MARCHF1: variants seen among roughly 807,000 people sequenced by gnomAD.
MARCHF1 encodes the protein membrane associated ring-CH-type finger 1.
MARCHF1 carries 40 observed loss-of-function variants against 54.2 expected under a neutral mutation model. The ratio of observed to expected loss-of-function variants is 0.74; its 90% confidence interval spans 0.57 to 0.96. The LOEUF is 0.96. Ranked by LOEUF, MARCHF1 falls within the 40% of genes least tolerant of loss-of-function variation. The pLI, the probability that MARCHF1 is intolerant of heterozygous loss-of-function variation, is 0.00. For missense variants in MARCHF1, 586 were observed against 656.5 expected, an observed-to-expected ratio of 0.89 and a Z score of 1.17; for synonymous variants, 236 against 236.3, an observed-to-expected ratio of 1.00 and a Z score of 0.01.
At chr4:164,119,440 AT>A in intron 1 of MARCHF1, among the ~76,000 whole-genome samples, 1 of 151,528 alleles carries the variant, frequency 6.6e-6, no homozygotes, top group African/African-American at 2.4e-5. Context: ...AATGAAAAAA[AT>A]AAAAATAAAT....
At chr4:164,340,405 T>TTTCATATATATATATATA (rs1327005165) in intron 1 of MARCHF1, among the ~76,000 whole-genome samples, 1 of 95,650 alleles carries the variant, frequency 1.0e-5, no homozygotes, top group Non-Finnish European at 2.2e-5. Flanking sequence ...AGGCCTTGAT[T>TTTCATATATATATATATA]TATATATAGA....
At chr4:163,938,024 TAAAA>T (rs1204289510) in intron 3 of MARCHF1, among the ~76,000 whole-genome samples, 1 of 152,168 alleles carries the variant, frequency 6.6e-6, no homozygotes, top group Non-Finnish European at 1.5e-5. Context: ...AAATCTTTTT[TAAAA>T]ACAGGAGATG....
At chr4:164,283,845 C>T (rs1032385841) in intron 1 of MARCHF1, among the ~76,000 whole-genome samples, 5 of 150,796 alleles carry the variant, frequency 3.3e-5, no homozygotes, top group South Asian at 4.2e-4. Flanking sequence ...TGGAAACCAA[C>T]GGCAGAGGAA....
chr4:163,608,960 G>T (rs922340990), intron 7 of MARCHF1, among the ~76,000 whole-genome samples: 2 of 152,014 alleles, frequency 1.3e-5, no homozygotes, highest in African/African-American at 4.8e-5. Flanking sequence ...CTTTTGTAGT[G>T]ATTTAATTCA....
intron 1 of MARCHF1, among the ~76,000 whole-genome samples, chr4:164,138,839 G>A (rs1756459389): frequency 6.6e-6 from 1 of 151,976 alleles, no homozygotes. Flanking sequence ...TAGGCATGTA[G>A]GTATTTGAAA....
In MARCHF1 at chr4:164,266,485, T is replaced by TA. The variant is rs112031139; in HGVS notation, c.-323+117384dup. ...TCAAATGTGCTTATTCTAAAACAAG[T>TA]AAATGTTTGCCTATGGTCTCTGAGA... On this transcript the variant is annotated intron_variant, in intron 1 of 9. Coordinates refer to ENST00000514618, the MANE Select transcript of MARCHF1 (RefSeq NM_001394959.1). Among the ~76,000 whole-genome samples, 248 of 152,324 alleles carry TA rather than the reference T, an allele frequency of 1.6e-3. 1 individual carries two copies. The highest frequency in any genetic ancestry group is 5.7e-3 in the African/African-American group (237 of 41,570).
At chr4:164,000,084 G>A (rs1753156914) in intron 2 of MARCHF1, among the ~76,000 whole-genome samples, 1 of 151,792 alleles carries the variant, frequency 6.6e-6, no homozygotes, top group African/African-American at 2.4e-5. Context: ...AATGCATGTG[G>A]TATTATTAGA....
intron 4 of MARCHF1, among the ~76,000 whole-genome samples, chr4:163,704,229 C>T (rs535134867): frequency 6.6e-5 from 10 of 150,962 alleles, no homozygotes; most frequent in Non-Finnish European, 1.3e-4. Context: ...GGTTAAAAAT[C>T]CCAAGTATTT....
chr4:163,984,294 G>T (rs1579440453), intron 3 of MARCHF1, among the ~76,000 whole-genome samples: 1 of 152,132 alleles, frequency 6.6e-6, no homozygotes, highest in East Asian at 1.9e-4. Flanking sequence ...CAGCAGTAAA[G>T]AAAATGTACA....
In MARCHF1 at chr4:163,939,423, G is replaced by A. The variant is rs539785662; in HGVS notation, c.-39+49078C>T. ...GTGCATGTTAGCTCGCTAGGGAAAT[G>A]TCTGACTGGTATCCACAGAACGTAT... On this transcript the variant is annotated intron_variant, in intron 3 of 9. Transcript: ENST00000514618. Among the ~76,000 whole-genome samples, 43 of 152,198 alleles carry A rather than the reference G, an allele frequency of 2.8e-4. No individual in the cohort carries two copies. The Middle Eastern group carries it at 0.01, about 36-fold the overall frequency.
At chr4:164,073,019 A>T (rs1366884150) in intron 2 of MARCHF1, among the ~76,000 whole-genome samples, 3 of 152,330 alleles carry the variant, frequency 2.0e-5, no homozygotes, top group Non-Finnish European at 4.4e-5. Flanking sequence ...AGTGAGTTTT[A>T]AAAAATGGTA....
In MARCHF1 at chr4:164,176,962, C is replaced by CCA. The variant is rs1730685505; in HGVS notation, c.-322-65301_-322-65300insTG. 4.0e-4 allele frequency among the ~76,000 whole-genome samples: 17 copies of CCA among 42,290 alleles called. 1 individual carries two copies. Among genetic ancestry groups the CCA allele is most frequent in the South Asian group, 1.2e-3 (1 of 820 alleles). The allele number at this position is 42,290 out of a possible 152,430, so 27.7% of individuals were successfully genotyped here. On this transcript the variant is annotated intron_variant, in intron 1 of 9. Transcript: ENST00000514618. ...GTGCGCTCTCTCTCTCTCTCTCTCTCTCTCTCTCTCTCTCTCTCTATATAT... is the reference window on the plus strand; with the variant it reads ...GTGCGCTCTCTCTCTCTCTCTCTCTCCATCTCTCTCTCTCTCTCTCTATATAT...
At chr4:164,304,284 C>T (rs1487782667) in intron 1 of MARCHF1, among the ~76,000 whole-genome samples, 1 of 152,186 alleles carries the variant, frequency 6.6e-6, no homozygotes, top group African/African-American at 2.4e-5. Context: ...TGTGAGGCCT[C>T]TAGCAACAGT....
intron 1 of MARCHF1, among the ~76,000 whole-genome samples, chr4:164,233,530 A>T (rs956817276): frequency 3.9e-5 from 6 of 152,072 alleles, no homozygotes; most frequent in African/African-American, 1.4e-4. Flanking sequence ...TTTACCTCTC[A>T]TGACATACCA....
intron 3 of MARCHF1, among the ~76,000 whole-genome samples, chr4:163,923,487 T>C (rs1751474371): frequency 6.6e-6 from 1 of 152,108 alleles, no homozygotes; most frequent in Non-Finnish European, 1.5e-5. Context: ...AGATTTCTTA[T>C]GAAAAATTGC....
chr4:164,114,544 A>G (rs1289928554), intron 1 of MARCHF1, among the ~76,000 whole-genome samples: 1 of 151,726 alleles, frequency 6.6e-6, no homozygotes. Flanking sequence ...TTTAATCAGT[A>G]TAAAATTAAA....
At chr4:163,893,312 T>C (rs1305286860) in intron 3 of MARCHF1, among the ~76,000 whole-genome samples, 1 of 152,056 alleles carries the variant, frequency 6.6e-6, no homozygotes, top group Non-Finnish European at 1.5e-5. Context: ...CTAATTTTTG[T>C]ATTTTTAGTA....
intron 3 of MARCHF1, among the ~76,000 whole-genome samples, chr4:163,974,111 T>C (rs760900051): frequency 2.0e-5 from 3 of 152,330 alleles, no homozygotes; most frequent in East Asian, 1.9e-4. Context: ...CTATGTGTGG[T>C]TGTTTTAGAC....
At chr4:164,259,249 T>C (rs930945023) in intron 1 of MARCHF1, among the ~76,000 whole-genome samples, 3 of 152,026 alleles carry the variant, frequency 2.0e-5, no homozygotes. Context: ...TTCAGAAGTA[T>C]AGCCACAACT....
Sources: allele counts gnomAD v4.1 joint callset (sites outside exome capture counted in the v4.1 genomes callset), GRCh38; gene constraint gnomAD v4.1.1; transcripts MANE v1.5; gene names NCBI Gene and HGNC (gene_info 2026-07-23, HGNC 2026-07-21).